WIPF2: variants seen among roughly 807,000 people sequenced by gnomAD.
WIPF2 encodes WAS/WASL-interacting protein family member 2.
A neutral mutation model predicts 38.8 loss-of-function variants in WIPF2; 23 were observed. The observed-to-expected ratio is 0.59, with a 90% CI of 0.43 to 0.84. WIPF2 has a LOEUF of 0.84. WIPF2 is among the 40% of genes least tolerant of loss of function. WIPF2 has a pLI of 0.00. For missense variants in WIPF2, 574 were observed against 580.5 expected, an observed-to-expected ratio of 0.99 and a Z score of 0.11; for synonymous variants, 210 against 223.2, an observed-to-expected ratio of 0.94 and a Z score of 0.53.
At chr17:40,227,097 AG>A (rs1274198162) in intron 1 of WIPF2, among the ~76,000 whole-genome samples, 1 of 151,918 alleles carries the variant, frequency 6.6e-6, no homozygotes, top group African/African-American at 2.4e-5. Flanking sequence ...GCTGGAGTGG[AG>A]TGGCAAGATC....
At chr17:40,266,701 C>T (rs1368744959) in intron 5 of WIPF2, among the ~76,000 whole-genome samples, 1 of 151,864 alleles carries the variant, frequency 6.6e-6, no homozygotes, top group African/African-American at 2.4e-5. Flanking sequence ...AGATGGGAGA[C>T]CTATTTGTAT....
rs367835530 is a variant in WIPF2 at position 40,241,154 on chromosome 17, A to G, written c.-69-15237A>G. Among the ~76,000 whole-genome samples, 3 of 152,178 alleles carry G rather than the reference A, an allele frequency of 2.0e-5. No homozygotes were observed. The South Asian group carries it at 6.2e-4, about 32-fold the overall frequency. The stretch of plus-strand genomic sequence containing the variant: ...GTGTTTTCTAGACTTCCCTAACACC[A>G]AGAATCACTTAAAGTGCTTGTTGGA... On this transcript the variant is annotated intron_variant, in intron 1 of 7. Coordinates refer to ENST00000323571, the MANE Select transcript of WIPF2 (RefSeq NM_133264.5).
intron 1 of WIPF2, among the ~76,000 whole-genome samples, chr17:40,233,938 C>A (rs1260895752): frequency 6.6e-6 from 1 of 152,144 alleles, no homozygotes; most frequent in Non-Finnish European, 1.5e-5. Flanking sequence ...TGGTGCATGC[C>A]TGTAATCTCA....
At chr17:40,232,179 ATTT>A (rs752876006) in intron 1 of WIPF2, among the ~76,000 whole-genome samples, 38 of 76,048 alleles carry the variant, frequency 5.0e-4, no homozygotes, top group African/African-American at 1.7e-3. Context: ...TGCCTGGCTA[ATTT>A]TTTTTTTTTT....
intron 4 of WIPF2, 141 bp from the exon 5 acceptor site, chr17:40,264,349 A>AGG: frequency 1.5e-6 from 1 of 675,202 alleles, no homozygotes; most frequent in South Asian, 2.0e-5. Context: ...AAAAAAAAAA[A>AGG]AAAAGAAAAA....
At chr17:40,232,303 C>A (rs1282608046) in intron 1 of WIPF2, among the ~76,000 whole-genome samples, 1 of 149,262 alleles carries the variant, frequency 6.7e-6, no homozygotes, top group Admixed American at 6.8e-5. Context: ...AATTCTCATG[C>A]TTCAGCCTCT....
intron 1 of WIPF2, among the ~76,000 whole-genome samples, chr17:40,247,372 C>T (rs2031406161): frequency 1.3e-5 from 2 of 151,252 alleles, no homozygotes; most frequent in Admixed American, 6.6e-5. Flanking sequence ...GTGCGTGCCA[C>T]CAAGCCTGGC....
chr17:40,219,550 G>T, intron 1 of WIPF2, 58 bp downstream of exon 1: 1 of 158,330 alleles, frequency 6.3e-6, no homozygotes, highest in South Asian at 2.0e-4. Flanking sequence ...GGACCTGAGT[G>T]GGAGGGAAAG....
At chr17:40,245,436 G>A (rs560871716) in intron 1 of WIPF2, among the ~76,000 whole-genome samples, 7 of 151,596 alleles carry the variant, frequency 4.6e-5, no homozygotes, top group South Asian at 4.2e-4. Flanking sequence ...TCCACCTCCC[G>A]GGTTCAAGTG....
Position 40,281,617 on chromosome 17 carries a change from A to C in WIPF2, c.*3392A>C, listed in dbSNP as rs1451815223. 1.3e-5 allele frequency: 2 copies of C among 152,514 alleles called. No individual in the cohort carries two copies. Among genetic ancestry groups the C allele is most frequent in the East Asian group, 3.9e-4 (2 of 5,192 alleles). The allele number at this position is 152,514 out of a possible 1,614,324, so 9.4% of individuals were successfully genotyped here. On this transcript the variant is annotated 3_prime_UTR_variant, in exon 8 of 8. Coordinates refer to ENST00000323571, the MANE Select transcript of WIPF2 (RefSeq NM_133264.5). The stretch of plus-strand genomic sequence containing the variant: ...GGCCATTGCACTGGGGAACTCCCTC[A>C]CCCCATGGCTTCCCAACTTGAAACC...
chr17:40,262,385 C>T, intron 3 of WIPF2, 140 bp from the exon 4 acceptor site: 1 of 634,152 alleles, frequency 1.6e-6, no homozygotes, highest in South Asian at 1.9e-5. Context: ...ACCAGGCCTG[C>T]TTTTTTAAAT....
At chr17:40,274,686 A>G (rs2032343476) in intron 6 of WIPF2, among the ~76,000 whole-genome samples, 1 of 151,452 alleles carries the variant, frequency 6.6e-6, no homozygotes, top group Non-Finnish European at 1.5e-5. Context: ...TCATGCCTGT[A>G]ATCCCAGCAC....
intron 1 of WIPF2, among the ~76,000 whole-genome samples, chr17:40,228,411 C>T (rs1343916848): frequency 6.6e-6 from 1 of 152,124 alleles, no homozygotes; most frequent in Non-Finnish European, 1.5e-5. Context: ...CAGTCTTTTG[C>T]TATTACAAAC....
chr17:40,270,882 T>TTGTGTGTGTGTGTGTGTGTGTG (rs373553389), intron 5 of WIPF2, among the ~76,000 whole-genome samples: 1 of 150,362 alleles, frequency 6.7e-6, no homozygotes, highest in South Asian at 2.1e-4. Context: ...TTGTGCCAGA[T>TTGTGTGTGTGTGTGTGTGTGTG]TGTGTGTGTG....
intron 6 of WIPF2, among the ~76,000 whole-genome samples, chr17:40,275,146 C>T (rs931373540): frequency 2.7e-5 from 4 of 145,626 alleles, no homozygotes; most frequent in African/African-American, 1.0e-4. Context: ...AAGGCTGAGG[C>T]AGGAGAATCT....
intron 1 of WIPF2, among the ~76,000 whole-genome samples, chr17:40,238,367 G>C (rs552117710): frequency 6.6e-6 from 1 of 151,706 alleles, no homozygotes; most frequent in African/African-American, 2.4e-5. Flanking sequence ...ACAATGGCAC[G>C]ATCTTGGCTC....
intron 1 of WIPF2, among the ~76,000 whole-genome samples, chr17:40,226,319 T>C (rs1277627285): frequency 1.3e-5 from 2 of 151,514 alleles, no homozygotes; most frequent in Non-Finnish European, 2.9e-5. Context: ...TTATCCTGCC[T>C]CAGCCTCCCG....
chr17:40,245,757 A>G (rs745485487), intron 1 of WIPF2, among the ~76,000 whole-genome samples: 7 of 152,130 alleles, frequency 4.6e-5, no homozygotes, highest in Non-Finnish European at 1.0e-4. Flanking sequence ...AGTTGTGACA[A>G]ATATGTCAAT....
chr17:40,236,853 C>T (rs899423319), intron 1 of WIPF2, among the ~76,000 whole-genome samples: 10 of 151,942 alleles, frequency 6.6e-5, no homozygotes, highest in South Asian at 4.2e-4. Context: ...ATGATCCACC[C>T]GCCTCGGCCT....
Sources: gnomAD v4.1 joint callset for allele counts (sites outside exome capture counted in the v4.1 genomes callset) on GRCh38, gnomAD v4.1.1 for gene constraint, MANE v1.5 for transcripts, NCBI Gene and HGNC (gene_info 2026-07-23, HGNC 2026-07-21) for gene names.